The following DOCK1 variants were observed in gnomAD, a reference collection of about 807,000 sequenced individuals.
The protein encoded by DOCK1 is dedicator of cytokinesis 1, also known as dedicator of cytokinesis protein 1.
Under a neutral mutation model 262.7 loss-of-function variants are expected in DOCK1, and 138 were observed. That is an observed-to-expected ratio of 0.53 (90% CI 0.46 to 0.61). The LOEUF is 0.61. Among genes scored for constraint, DOCK1 ranks in the 20% least tolerant of loss-of-function variants. The pLI, the probability that DOCK1 is intolerant of heterozygous loss-of-function variation, is 0.00. For missense variants in DOCK1, 1,908 were observed against 2,370.7 expected (o/e 0.80, Z 4.05); for synonymous variants, 866 against 867.4 (o/e 1.00, Z 0.03).
intron 23 of DOCK1, among the ~76,000 whole-genome samples, chr10:127,085,715 G>A (rs1053483488): frequency 1.3e-5 from 2 of 151,920 alleles, no homozygotes; most frequent in Non-Finnish European, 2.9e-5. Context: ...CCGAGATTGC[G>A]CCACTGCACT....
Position 127,144,545 on chromosome 10 carries a change from C to T in DOCK1, c.2847+16781C>T, listed in dbSNP as rs188243236. Among the ~76,000 whole-genome samples, 296 of 152,272 alleles carry T rather than the reference C, an allele frequency of 1.9e-3. 3 individuals carry two copies. Among genetic ancestry groups the T allele is most frequent in the Middle Eastern group, 6.8e-3 (2 of 294 alleles). On this transcript the variant is annotated intron_variant, in intron 27 of 51. Coordinates refer to ENST00000623213, the MANE Select transcript of DOCK1 (RefSeq NM_001290223.2). Reference sequence around the variant, plus strand: ...TAAACTGATGAACTGAACCAAATCCCCTCACTTCTAATCTCAGCAAAGTGC... The same window carrying T: ...TAAACTGATGAACTGAACCAAATCCTCTCACTTCTAATCTCAGCAAAGTGC...
At chr10:127,361,941 C>T in intron 32 of DOCK1, 123 bp from the exon 33 acceptor site, 1 of 1,114,404 alleles carries the variant, frequency 9.0e-7, no homozygotes, top group South Asian at 1.8e-5. Flanking sequence ...GAAATGGATG[C>T]ACATTTTCGG....
At chr10:127,434,149 CTT>C (rs758390512) in intron 48 of DOCK1, among the ~76,000 whole-genome samples, 1 of 143,502 alleles carries the variant, frequency 7.0e-6, no homozygotes. Flanking sequence ...GCCGGGCCTT[CTT>C]TTTTTTTTTT....
intron 23 of DOCK1, among the ~76,000 whole-genome samples, chr10:127,069,238 C>T (rs1485471661): frequency 2.6e-5 from 4 of 152,162 alleles, no homozygotes; most frequent in African/African-American, 9.7e-5. Context: ...ATGCAGCTGC[C>T]ATGGTGGATG....
intron 25 of DOCK1, among the ~76,000 whole-genome samples, chr10:127,114,126 C>A (rs879035210): frequency 6.6e-6 from 1 of 152,172 alleles, no homozygotes; most frequent in Admixed American, 6.5e-5. Flanking sequence ...GTATTTCTTA[C>A]TTGCTTATTT....
At chr10:127,409,264 A>G (rs377514909) in intron 41 of DOCK1, 49 bp from the exon 42 acceptor site, 14 of 1,612,390 alleles carry the variant, frequency 8.7e-6, no homozygotes, top group Admixed American at 1.7e-5. Flanking sequence ...GGCCTCTCTC[A>G]TGGTTGATGT....
intron 27 of DOCK1, among the ~76,000 whole-genome samples, chr10:127,214,099 G>A (rs1410680258): frequency 2.6e-5 from 4 of 152,060 alleles, no homozygotes; most frequent in African/African-American, 4.8e-5. Context: ...CACTCGCCTC[G>A]GCGTCCCAAA....
rs58723794 is a variant in DOCK1 at position 127,108,066 on chromosome 10, C to G, written c.2516+1765C>G. On this transcript the variant is annotated intron_variant, in intron 24 of 51. Coordinates refer to ENST00000623213, the MANE Select transcript of DOCK1 (RefSeq NM_001290223.2). ...GGCCGATGCAGGCTGCTGCTGGCCT[C>G]TCTCAGATTTGTGCATCCCTGTGTT... 9.5e-3 allele frequency among the ~76,000 whole-genome samples: 1,433 copies of G among 151,488 alleles called. 22 individuals carry two copies. Among genetic ancestry groups the G allele is most frequent in the African/African-American group, 0.033 (1,340 of 40,778 alleles).
At chr10:127,049,297 G>A (rs2044553921) in intron 21 of DOCK1, among the ~76,000 whole-genome samples, 1 of 152,126 alleles carries the variant, frequency 6.6e-6, no homozygotes. Context: ...TAGGTGGGTG[G>A]ATCAGTTGAG....
intron 33 of DOCK1, among the ~76,000 whole-genome samples, chr10:127,373,467 T>C (rs1225132322): frequency 1.4e-5 from 2 of 142,098 alleles, no homozygotes; most frequent in African/African-American, 2.6e-5. Context: ...TGAGACTTTT[T>C]TTCATGCTGC....
chr10:127,273,941 C>G (rs1186772588), intron 29 of DOCK1, among the ~76,000 whole-genome samples: 1 of 151,466 alleles, frequency 6.6e-6, no homozygotes, highest in East Asian at 1.9e-4. Flanking sequence ...AAAAAGCAAG[C>G]TGATTAATTG....
intron 29 of DOCK1, among the ~76,000 whole-genome samples, chr10:127,317,232 A>G (rs556638089): frequency 6.6e-6 from 1 of 152,334 alleles, no homozygotes; most frequent in East Asian, 1.9e-4. Flanking sequence ...AAAAATCCCA[A>G]GTTAAAAACA....
chr10:126,960,745 T>TAC (rs1168329136), intron 1 of DOCK1, among the ~76,000 whole-genome samples: 289 of 115,282 alleles, frequency 2.5e-3, no homozygotes, highest in East Asian at 3.1e-3. Context: ...TATATATATA[T>TAC]ACACACACAC....
intron 29 of DOCK1, among the ~76,000 whole-genome samples, chr10:127,261,255 G>C (rs1431729069): frequency 5.7e-5 from 8 of 140,812 alleles, no homozygotes; most frequent in Admixed American, 1.4e-4. Context: ...GCATGTGTGT[G>C]CATGTGGGTG....
chr10:127,145,068 A>G (rs925981709), intron 27 of DOCK1, among the ~76,000 whole-genome samples: 1 of 152,184 alleles, frequency 6.6e-6, no homozygotes, highest in African/African-American at 2.4e-5. Context: ...TTCCGTGACC[A>G]TACTGGAGAA....
chr10:127,125,311 C>A (rs2049878088), intron 25 of DOCK1, among the ~76,000 whole-genome samples, 163 bp from the exon 26 acceptor site: 1 of 152,176 alleles, frequency 6.6e-6, no homozygotes, highest in African/African-American at 2.4e-5. Context: ...TAACAGCAGA[C>A]ACGGTGTTCT....
intron 33 of DOCK1, among the ~76,000 whole-genome samples, chr10:127,370,775 C>T (rs2065165330): frequency 6.6e-6 from 1 of 152,160 alleles, no homozygotes; most frequent in Non-Finnish European, 1.5e-5. Flanking sequence ...AGCAACTTTC[C>T]GAAAGGCCTT....
intron 29 of DOCK1, among the ~76,000 whole-genome samples, chr10:127,297,396 T>TAGAG (rs753661147): frequency 1.5e-4 from 23 of 151,818 alleles, no homozygotes; most frequent in Admixed American, 3.3e-4. Context: ...GCCCTAATTG[T>TAGAG]AGAGAGTAGG....
Position 126,944,466 on chromosome 10 carries a change from C to A in DOCK1, c.47-26236C>A, listed in dbSNP as rs937678151. Among the ~76,000 whole-genome samples the A allele has an allele frequency of 9.1e-3, 1,387 of 151,938 alleles. 25 individuals carry two copies. Among genetic ancestry groups the A allele is most frequent in the African/African-American group, 0.032 (1,314 of 41,448 alleles). The stretch of plus-strand genomic sequence containing the variant: ...CAGTTTACGCAGTTGGGAGTCAGCA[C>A]GAAGATGCGTATGGAAGCCTCCAGA... On this transcript the variant is annotated intron_variant, in intron 1 of 51. Transcript: ENST00000623213.
Sources: allele counts gnomAD v4.1 joint callset (sites outside exome capture counted in the v4.1 genomes callset), GRCh38; gene constraint gnomAD v4.1.1; transcripts MANE v1.5; gene names NCBI Gene and HGNC (gene_info 2026-07-23, HGNC 2026-07-21).